EMSY: variants seen among roughly 807,000 people sequenced by gnomAD.
EMSY encodes the protein BRCA2-interacting transcriptional repressor EMSY.
A neutral mutation model predicts 134.6 loss-of-function variants in EMSY; 26 were observed. That is an observed-to-expected ratio of 0.19 (90% confidence interval 0.14 to 0.27). EMSY has a LOEUF of 0.27. Among genes scored for constraint, EMSY ranks in the 10% least tolerant of loss-of-function variants. EMSY has a pLI of 1.00. For synonymous variants in EMSY, 579 were observed against 577.8 expected (o/e 1.00, Z -0.03); for missense variants, 1,305 against 1,611.4 (o/e 0.81, Z 3.26).
At chr11:76,526,706 A>G (rs1442783952) in intron 13 of EMSY, 71 bp downstream of exon 14, 1 of 1,392,630 alleles carries the variant, frequency 7.2e-7, no homozygotes, top group East Asian at 2.4e-5. Context: ...CCGGGTAGAA[A>G]TTTGAAGGAA....
At chr11:76,518,740 T>G (rs1014230302) in intron 11 of EMSY, among the ~76,000 whole-genome samples, 18 of 144,834 alleles carry the variant, frequency 1.2e-4, no homozygotes, top group Non-Finnish European at 2.1e-4. Flanking sequence ...AGTCAGATTT[T>G]ATCCGTATTT....
chr11:76,458,392 C>T (rs1344930658), intron 5 of EMSY, 34 bp downstream of exon 6: 1 of 1,503,702 alleles, frequency 6.7e-7, no homozygotes, highest in Non-Finnish European at 8.9e-7. Context: ...TTAGAGATTA[C>T]TTTTCTTAGA....
chr11:76,545,515 G>A (rs1951611486), intron 19 of EMSY, among the ~76,000 whole-genome samples: 2 of 152,180 alleles, frequency 1.3e-5, no homozygotes, highest in Admixed American at 6.5e-5. Context: ...GTTTAGGGCT[G>A]TAAACCCCAA....
At chr11:76,495,827 T>C (rs931766463) in intron 8 of EMSY, among the ~76,000 whole-genome samples, 1 of 152,138 alleles carries the variant, frequency 6.6e-6, no homozygotes, top group Non-Finnish European at 1.5e-5. Context: ...ATATAACATA[T>C]AAATAAGATT....
In EMSY at chr11:76,449,216, A is replaced by G. The variant is rs192439957; in HGVS notation, c.70+2208A>G. Among the ~76,000 whole-genome samples the G allele has an allele frequency of 7.9e-5, 12 of 152,354 alleles. No individual in the cohort carries two copies. The East Asian group carries it at 1.9e-3, about 24-fold the overall frequency. On this transcript the variant is annotated intron_variant, in intron 2 of 20. Transcript: ENST00000334736. ...CCAGAAATTCAACTAAATTTGAGGTATGTGAAGATCTAAGGATACCCATCA... is the reference window on the plus strand; with the variant it reads ...CCAGAAATTCAACTAAATTTGAGGTGTGTGAAGATCTAAGGATACCCATCA...
chr11:76,551,125 A>G (rs898851696), exon 21 of EMSY: 5 of 152,760 alleles, frequency 3.3e-5, no homozygotes, highest in Non-Finnish European at 2.9e-5. Context: ...TTTGAAATGT[A>G]TAAAAAGTTC....
intron 1 of EMSY, among the ~76,000 whole-genome samples, chr11:76,446,231 C>T (rs1426135489): frequency 2.6e-5 from 4 of 151,738 alleles, no homozygotes; most frequent in African/African-American, 9.7e-5. Context: ...TTCCTGGCAG[C>T]TCAACTGTTG....
At chr11:76,546,340 G>A (rs2136838956) in intron 20 of EMSY, 43 bp downstream of exon 21, 6 of 1,564,214 alleles carry the variant, frequency 3.8e-6, no homozygotes, top group Non-Finnish European at 5.2e-6. Context: ...GCATCTTGGG[G>A]GTTGTGGGTT....
At chr11:76,469,029 A>G (rs1376370498) in intron 7 of EMSY, among the ~76,000 whole-genome samples, 2 of 152,172 alleles carry the variant, frequency 1.3e-5, no homozygotes, top group Non-Finnish European at 2.9e-5. Flanking sequence ...TCTCTAATGA[A>G]GGATAACTTC....
At chr11:76,529,658 C>G (rs1950964112) in intron 14 of EMSY, among the ~76,000 whole-genome samples, 1 of 151,990 alleles carries the variant, frequency 6.6e-6, no homozygotes, top group Non-Finnish European at 1.5e-5. Context: ...AGTTGACATG[C>G]CAGTGAGGAG....
At chr11:76,543,217 CATG>C (rs779735014) in intron 18 of EMSY, among the ~76,000 whole-genome samples, 1 of 152,118 alleles carries the variant, frequency 6.6e-6, no homozygotes, top group Non-Finnish European at 1.5e-5. Flanking sequence ...CCATCACTCA[CATG>C]ATGATGAATC....
At chr11:76,503,814 T>C (rs1949970758) in intron 9 of EMSY, among the ~76,000 whole-genome samples, 1 of 152,238 alleles carries the variant, frequency 6.6e-6, no homozygotes, top group Admixed American at 6.5e-5. Context: ...AGACGGAGTC[T>C]TGCTCTGTCA....
intron 9 of EMSY, among the ~76,000 whole-genome samples, chr11:76,502,353 A>G (rs1191378144): frequency 2.0e-5 from 3 of 147,608 alleles, no homozygotes; most frequent in African/African-American, 7.4e-5. Context: ...CCGTTTACAG[A>G]TGACATGATC....
At chr11:76,546,259 A>C in exon 20 of EMSY, 1 of 1,613,578 alleles carries the variant, frequency 6.2e-7, no homozygotes, top group Non-Finnish European at 8.5e-7. Flanking sequence ...TGTAGGCCAA[A>C]AGAAAGCTGA....
chr11:76,459,644 A>G (rs1948027485), intron 5 of EMSY: 1 of 296,576 alleles, frequency 3.4e-6, no homozygotes, highest in African/African-American at 2.1e-5. Flanking sequence ...AATTATTTTC[A>G]TTTTTTCTCA....
At chr11:76,502,556 C>A (rs991997118) in intron 9 of EMSY, among the ~76,000 whole-genome samples, 16 of 145,798 alleles carry the variant, frequency 1.1e-4, no homozygotes, top group South Asian at 2.2e-4. Flanking sequence ...ACAAAAAAAA[C>A]CACTAAGGAA....
chr11:76,513,460 A>C (rs1950345585), exon 10 of EMSY: 1 of 1,613,700 alleles, frequency 6.2e-7, no homozygotes, highest in African/African-American at 1.3e-5. Flanking sequence ...TCTACCCACC[A>C]GTAGCAATTC....
intron 15 of EMSY, among the ~76,000 whole-genome samples, chr11:76,536,795 T>C (rs1951238405): frequency 1.3e-5 from 2 of 152,216 alleles, no homozygotes; most frequent in South Asian, 4.1e-4. Flanking sequence ...AGAGAGGTTA[T>C]CCAGTTGATT....
At chr11:76,527,229 A>AATGCC (rs140231509) in intron 13 of EMSY, among the ~76,000 whole-genome samples, 3,893 of 152,176 alleles carry the variant, frequency 0.026, 75 homozygotes, top group East Asian at 0.061. Flanking sequence ...TCGGTTGAGA[A>AATGCC]ATGCCATCCT....
Sources: allele counts gnomAD v4.1 joint callset (sites outside exome capture counted in the v4.1 genomes callset), GRCh38; gene constraint gnomAD v4.1.1; transcripts MANE v1.5; gene names NCBI Gene and HGNC (gene_info 2026-07-23, HGNC 2026-07-21).